KLHL4: variants seen among roughly 807,000 people sequenced by gnomAD.
The protein encoded by KLHL4 is kelch-like protein 4.
In KLHL4, 17 loss-of-function variants were observed where a neutral mutation model predicts 45.8. The ratio of observed to expected loss-of-function variants is 0.37; its 90% CI spans 0.25 to 0.56. The LOEUF (loss-of-function observed/expected upper bound fraction) is 0.56, where lower values mean the gene tolerates loss of function less well. KLHL4 is among the 20% of genes least tolerant of loss of function. The pLI is 0.79. For missense variants in KLHL4, 544 were observed against 544.9 expected (o/e 1.00, Z 0.02); for synonymous variants, 224 against 189.9 (o/e 1.18, Z -1.47).
intron 1 of KLHL4, among the ~76,000 whole-genome samples, chrX:87,543,983 G>A (rs1569337835): frequency 9.0e-6 from 1 of 110,985 alleles, no homozygotes; most frequent in African/African-American, 3.3e-5. Context: ...ATCAACATCA[G>A]CAGGGGAGGG....
intron 9 of KLHL4, among the ~76,000 whole-genome samples, chrX:87,659,574 C>T (rs769173838): frequency 1.2e-5 from 1 of 85,727 alleles, no homozygotes; most frequent in African/African-American, 3.7e-5. Context: ...AAAATTTTTA[C>T]GTTTCTTTAT....
intron 1 of KLHL4, among the ~76,000 whole-genome samples, chrX:87,541,207 C>T (rs1931544343): frequency 9.2e-6 from 1 of 109,126 alleles, no homozygotes; most frequent in Non-Finnish European, 1.9e-5. Context: ...GCAGTTTTGG[C>T]CAGGCACGGT....
intron 9 of KLHL4, among the ~76,000 whole-genome samples, chrX:87,658,928 T>C (rs1405488678): frequency 9.0e-6 from 1 of 110,850 alleles, no homozygotes; most frequent in Admixed American, 9.7e-5. Context: ...TCTTTATCTC[T>C]GACTTTTGAC....
intron 1 of KLHL4, among the ~76,000 whole-genome samples, chrX:87,529,320 G>A (rs1286083731): frequency 9.0e-6 from 1 of 111,398 alleles, no homozygotes; most frequent in East Asian, 2.8e-4. Context: ...GGGCTATAAT[G>A]GTACTCTGTG....
intron 9 of KLHL4, among the ~76,000 whole-genome samples, chrX:87,648,117 G>T (rs1232533393): frequency 1.8e-5 from 2 of 110,578 alleles, no homozygotes; most frequent in African/African-American, 6.6e-5. Context: ...TGTGTATCTT[G>T]GTTAAAATAA....
intron 7 of KLHL4, among the ~76,000 whole-genome samples, 161 bp from the exon 8 acceptor site, chrX:87,633,588 A>C (rs1329867489): frequency 2.7e-5 from 3 of 112,374 alleles, no homozygotes; most frequent in African/African-American, 9.7e-5. Flanking sequence ...TTAGAAAACC[A>C]TACTTAGCTT....
intron 1 of KLHL4, among the ~76,000 whole-genome samples, chrX:87,533,654 T>A (rs1449930399): frequency 9.2e-6 from 1 of 108,801 alleles, no homozygotes; most frequent in Non-Finnish European, 1.9e-5. Flanking sequence ...TGTATACATA[T>A]GTAACTAACC....
At chrX:87,573,716 A>G (rs1204123256) in intron 1 of KLHL4, among the ~76,000 whole-genome samples, 1 of 111,921 alleles carries the variant, frequency 8.9e-6, no homozygotes, top group Non-Finnish European at 1.9e-5. Context: ...CAGAGATATT[A>G]TAAAACTTTG....
intron 1 of KLHL4, among the ~76,000 whole-genome samples, chrX:87,555,974 G>T (rs1439672240): frequency 9.1e-6 from 1 of 109,854 alleles, no homozygotes; most frequent in African/African-American, 3.3e-5. Context: ...ATTTCATTAT[G>T]TACCCAGTAA....
chrX:87,518,542 TCTC>T (rs1443374204), intron 1 of KLHL4, among the ~76,000 whole-genome samples: 33 of 111,802 alleles, frequency 3.0e-4, no homozygotes, highest in African/African-American at 9.7e-4. Context: ...TGAGTTTACT[TCTC>T]CTATTTTCAT....
At chrX:87,591,007 T>C (rs1405539735) in intron 1 of KLHL4, among the ~76,000 whole-genome samples, 2 of 112,012 alleles carry the variant, frequency 1.8e-5, no homozygotes, top group Non-Finnish European at 3.8e-5. Flanking sequence ...ATGTACTCAG[T>C]AGAGAGATTA....
At chrX:87,556,423 C>T (rs1449697943) in intron 1 of KLHL4, among the ~76,000 whole-genome samples, 1 of 105,005 alleles carries the variant, frequency 9.5e-6, no homozygotes, top group Non-Finnish European at 1.9e-5. Context: ...ATCACAAGAA[C>T]AAAAAACCAA....
At chrX:87,527,309 G>T (rs1004981857) in intron 1 of KLHL4, among the ~76,000 whole-genome samples, 4 of 111,278 alleles carry the variant, frequency 3.6e-5, no homozygotes, top group Non-Finnish European at 3.8e-5. Context: ...CTTGAAACTG[G>T]ACTCACCATT....
At chrX:87,650,448 G>A (rs1467490619) in intron 9 of KLHL4, among the ~76,000 whole-genome samples, 2 of 112,161 alleles carry the variant, frequency 1.8e-5, no homozygotes, top group Non-Finnish European at 3.8e-5. Flanking sequence ...ATAAGCAAAA[G>A]CTATCTTTCC....
At chrX:87,521,485 G>C (rs1336056678) in intron 1 of KLHL4, among the ~76,000 whole-genome samples, 2 of 111,503 alleles carry the variant, frequency 1.8e-5, no homozygotes, top group African/African-American at 6.5e-5. Context: ...AATGGGAAGA[G>C]AGAGGCAATA....
intron 9 of KLHL4, among the ~76,000 whole-genome samples, chrX:87,644,341 A>G (rs1923561736): frequency 9.0e-6 from 1 of 111,143 alleles, no homozygotes; most frequent in Non-Finnish European, 1.9e-5. Flanking sequence ...AGGAATATAC[A>G]TAATCAAGGG....
chrX:87,546,081 C>A (rs188674677), intron 1 of KLHL4, among the ~76,000 whole-genome samples: 7 of 111,816 alleles, frequency 6.3e-5, no homozygotes, highest in African/African-American at 9.7e-5. Context: ...CAAAACAAAA[C>A]AAAACCTACT....
chrX:87,622,515 G>A, intron 5 of KLHL4, 92 bp downstream of exon 5: 2 of 569,912 alleles, frequency 3.5e-6, no homozygotes, highest in South Asian at 9.0e-5. Context: ...TATTTTTTCA[G>A]AAGATTCCTG....
intron 9 of KLHL4, among the ~76,000 whole-genome samples, chrX:87,661,182 T>C (rs1924175913): frequency 8.9e-6 from 1 of 112,007 alleles, no homozygotes; most frequent in Non-Finnish European, 1.9e-5. Context: ...CAAGATAGTT[T>C]TCATTTATTA....
Sources: gnomAD v4.1 joint callset for allele counts (sites outside exome capture counted in the v4.1 genomes callset) on GRCh38, gnomAD v4.1.1 for gene constraint, MANE v1.5 for transcripts, NCBI Gene and HGNC (gene_info 2026-07-23, HGNC 2026-07-21) for gene names.